PRKG1: variants seen among roughly 807,000 people sequenced by gnomAD.
The protein encoded by PRKG1 is protein kinase cGMP-dependent 1.
PRKG1 carries 35 observed loss-of-function variants against 88.1 expected under a neutral mutation model. That is an observed-to-expected ratio of 0.40 (90% confidence interval 0.30 to 0.53). The LOEUF is 0.53. Among genes scored for constraint, PRKG1 ranks in the 20% least tolerant of loss-of-function variants. The pLI is 0.59. For missense variants in PRKG1, 540 were observed against 839.8 expected, an observed-to-expected ratio of 0.64 and a Z score of 4.41; for synonymous variants, 303 against 292.5, an observed-to-expected ratio of 1.04 and a Z score of -0.37.
At chr10:51,464,662 C>T (rs981412263) in intron 2 of PRKG1, among the ~76,000 whole-genome samples, 2 of 151,694 alleles carry the variant, frequency 1.3e-5, no homozygotes, top group African/African-American at 2.4e-5. Context: ...GAGGCCGAGG[C>T]GGGCGGATCA....
At chr10:51,815,467 C>T (rs1839560327) in intron 4 of PRKG1, among the ~76,000 whole-genome samples, 1 of 152,092 alleles carries the variant, frequency 6.6e-6, no homozygotes, top group South Asian at 2.1e-4. Flanking sequence ...GATATAGAAA[C>T]CCACTTCCTC....
intron 3 of PRKG1, among the ~76,000 whole-genome samples, chr10:51,574,153 C>T (rs535409339): frequency 5.5e-4 from 84 of 151,966 alleles, no homozygotes; most frequent in African/African-American, 1.6e-3. Flanking sequence ...ATGACAAATG[C>T]GTATTAAATA....
chr10:52,179,522 T>A (rs1031104749), intron 9 of PRKG1, among the ~76,000 whole-genome samples: 1 of 152,184 alleles, frequency 6.6e-6, no homozygotes, highest in African/African-American at 2.4e-5. Flanking sequence ...TTAGAATTCA[T>A]TCTTTGTTTT....
chr10:51,493,265 GA>G (rs1840758303), intron 3 of PRKG1, among the ~76,000 whole-genome samples: 1 of 152,084 alleles, frequency 6.6e-6, no homozygotes, highest in Non-Finnish European at 1.5e-5. Flanking sequence ...AAAATATGCA[GA>G]AAAATTTTAC....
At chr10:51,293,267 ATTG>A (rs1840631299) in intron 2 of PRKG1, among the ~76,000 whole-genome samples, 1 of 152,126 alleles carries the variant, frequency 6.6e-6, no homozygotes, top group Admixed American at 6.6e-5. Flanking sequence ...ACAATACATT[ATTG>A]TTAATTAAAG....
chr10:51,152,302 T>G (rs1042190548), intron 1 of PRKG1, among the ~76,000 whole-genome samples: 13 of 152,072 alleles, frequency 8.5e-5, no homozygotes, highest in African/African-American at 3.1e-4. Context: ...TAAAACATGT[T>G]GCACTTCAAA....
intron 9 of PRKG1, among the ~76,000 whole-genome samples, chr10:52,176,166 T>C (rs1838859840): frequency 7.1e-6 from 1 of 140,822 alleles, no homozygotes; most frequent in Admixed American, 8.0e-5. Flanking sequence ...GAGTTTTTTC[T>C]TTTTCTCTTT....
intron 14 of PRKG1, among the ~76,000 whole-genome samples, chr10:52,283,258 T>G (rs1842038291): frequency 6.6e-6 from 1 of 152,038 alleles, no homozygotes; most frequent in African/African-American, 2.4e-5. Flanking sequence ...GTTTGAAGAT[T>G]GTTGCAGTAA....
At chr10:51,126,731 A>G (rs530440850) in intron 1 of PRKG1, among the ~76,000 whole-genome samples, 1 of 152,264 alleles carries the variant, frequency 6.6e-6, no homozygotes, top group South Asian at 2.1e-4. Context: ...ACAAGGCTAC[A>G]GTAACCAAAA....
At chr10:51,242,820 G>A (rs1839188861) in intron 2 of PRKG1, among the ~76,000 whole-genome samples, 1 of 152,108 alleles carries the variant, frequency 6.6e-6, no homozygotes, top group Non-Finnish European at 1.5e-5. Context: ...CAAAAATCTG[G>A]AATCAATTAG....
chr10:52,072,650 T>C (rs1019388480), intron 7 of PRKG1, among the ~76,000 whole-genome samples: 2 of 152,186 alleles, frequency 1.3e-5, no homozygotes, highest in African/African-American at 4.8e-5. Context: ...AACCAGAAAT[T>C]TGGACATTAT....
At chr10:51,685,403 C>T (rs1184833359) in intron 3 of PRKG1, among the ~76,000 whole-genome samples, 2 of 152,098 alleles carry the variant, frequency 1.3e-5, no homozygotes, top group African/African-American at 2.4e-5. Flanking sequence ...CCCAACCTTC[C>T]AAAAGAGGAC....
intron 5 of PRKG1, among the ~76,000 whole-genome samples, chr10:51,945,375 A>G (rs1305902391): frequency 1.3e-5 from 2 of 151,528 alleles, no homozygotes; most frequent in African/African-American, 2.4e-5. Flanking sequence ...AGTTTCCTGA[A>G]TACAGCACAC....
chr10:51,273,604 G>A (rs1840038808), intron 2 of PRKG1, among the ~76,000 whole-genome samples: 2 of 152,204 alleles, frequency 1.3e-5, no homozygotes, highest in South Asian at 2.1e-4. Flanking sequence ...GATGGGCTCA[G>A]TGGCCAGCTC....
intron 2 of PRKG1, among the ~76,000 whole-genome samples, chr10:51,336,803 T>C (rs1266200738): frequency 2.6e-5 from 4 of 152,104 alleles, no homozygotes; most frequent in Non-Finnish European, 5.9e-5. Flanking sequence ...TAACCTTAGA[T>C]GAAAAACAGG....
intron 8 of PRKG1, among the ~76,000 whole-genome samples, chr10:52,158,313 C>CA: frequency 6.6e-6 from 1 of 151,394 alleles, no homozygotes; most frequent in Middle Eastern, 3.4e-3. Flanking sequence ...GAATAACAAT[C>CA]AAAAAAAGGC....
intron 3 of PRKG1, among the ~76,000 whole-genome samples, chr10:51,612,262 T>C (rs1232652704): frequency 6.6e-6 from 1 of 152,040 alleles, no homozygotes; most frequent in African/African-American, 2.4e-5. Context: ...TCTCCTACTC[T>C]ATTAGCATGA....
chr10:51,878,250 A>ATGTGTGTGTGTGTGTG (rs57901574), intron 4 of PRKG1, among the ~76,000 whole-genome samples: 7 of 150,856 alleles, frequency 4.6e-5, no homozygotes, highest in African/African-American at 1.7e-4. Context: ...GTGTGAATAT[A>ATGTGTGTGTGTGTGTG]TGTGTGTGTG....
At chr10:52,183,310 T>C (rs1310324046) in intron 9 of PRKG1, among the ~76,000 whole-genome samples, 1 of 152,214 alleles carries the variant, frequency 6.6e-6, no homozygotes, top group Non-Finnish European at 1.5e-5. Context: ...GAGTCATTTA[T>C]GCAAGAAAGT....
Sources: allele counts gnomAD v4.1 joint callset (sites outside exome capture counted in the v4.1 genomes callset), GRCh38; gene constraint gnomAD v4.1.1; transcripts MANE v1.5; gene names NCBI Gene and HGNC (gene_info 2026-07-23, HGNC 2026-07-21).